NTRK3: variants seen among roughly 807,000 people sequenced by gnomAD.
The protein encoded by NTRK3 is neurotrophic receptor tyrosine kinase 3, also known as NT-3 growth factor receptor.
In NTRK3, 24 loss-of-function variants were observed where a neutral mutation model predicts 91.7. That is an observed-to-expected ratio of 0.26 (90% CI 0.19 to 0.37). NTRK3 has a LOEUF of 0.37. Ranked by LOEUF, NTRK3 falls within the 10% of genes least tolerant of loss-of-function variation. NTRK3 has a pLI of 1.00. For synonymous variants in NTRK3, 483 were observed against 404.0 expected, an observed-to-expected ratio of 1.20 and a Z score of -2.34; for missense variants, 880 against 1,068.9, an observed-to-expected ratio of 0.82 and a Z score of 2.46.
rs2052111816 is a variant in NTRK3, at chr15:88,116,644, T to C, written c.1396+9627A>G. Among the ~76,000 whole-genome samples, 3 of 152,166 alleles carry C rather than the reference T, an allele frequency of 2.0e-5. No homozygotes were observed. The South Asian group carries it at 6.2e-4, about 32-fold the overall frequency. On this transcript the variant is annotated intron_variant, in intron 13 of 18. Transcript: ENST00000394480. ...TTAAAGCATGGTCCACAGAGCAGCA[T>C]TGTCTGGGACCTTGTAACAAATGTT...
At chr15:87,939,390 C>T (rs1297227806) in intron 15 of NTRK3, among the ~76,000 whole-genome samples, 1 of 152,108 alleles carries the variant, frequency 6.6e-6, no homozygotes, top group Non-Finnish European at 1.5e-5. Context: ...AATTGAGGCC[C>T]AAAGAAGTTG....
At chr15:87,862,304 T>G (rs1397600495) in exon 19 of NTRK3, 2 of 224,498 alleles carry the variant, frequency 8.9e-6, no homozygotes, top group Non-Finnish European at 1.8e-5. Flanking sequence ...CTCTGAGATC[T>G]GGCTCTGTCC....
At chr15:88,232,065 C>T (rs570323747) in intron 3 of NTRK3, among the ~76,000 whole-genome samples, 2 of 152,262 alleles carry the variant, frequency 1.3e-5, no homozygotes, top group South Asian at 2.1e-4. Flanking sequence ...CATCTGTGGC[C>T]GCTCATGGCC....
rs1427182999 is a variant in NTRK3 at position 88,243,005 on chromosome 15, CT to C, written c.248+12900del. ...AGAAGTCCCCATAGGCCATAGGGCC[CT>C]CCCACGGAGGAGGAGGAGCTGCAGC... On this transcript the variant is annotated intron_variant, in intron 3 of 18. Coordinates refer to ENST00000394480, the Ensembl canonical transcript of NTRK3. This position sits in a 1 kb window ranked among gnomAD's most constrained non-coding sequence, Gnocchi z 4.8. 2.0e-5 allele frequency among the ~76,000 whole-genome samples: 3 copies of C among 152,210 alleles called. No individual in the cohort carries two copies. Among genetic ancestry groups the C allele is most frequent in the African/African-American group, 7.2e-5 (3 of 41,450 alleles).
chr15:88,028,633 T>C (rs1272470852), intron 14 of NTRK3, among the ~76,000 whole-genome samples: 2 of 151,874 alleles, frequency 1.3e-5, no homozygotes, highest in Non-Finnish European at 1.5e-5. Flanking sequence ...CTGGGAAGGC[T>C]GGGAGGGGAT....
chr15:88,069,691 A>C (rs987482111), intron 13 of NTRK3, among the ~76,000 whole-genome samples: 6 of 152,210 alleles, frequency 3.9e-5, no homozygotes, highest in African/African-American at 7.2e-5. Flanking sequence ...ATTGGCACAG[A>C]ACACGTAGGA....
At position 87,876,999 on chromosome 15, in the gene NTRK3, T is replaced by C. The variant is rs370821577; in HGVS notation, c.2414A>G (p.Glu805Gly). ...CAAAGCATGGAGGATTTTGTAGATC[T>C]CCTTGATGTTCAACCGCTGCTGTGG... is the stretch of plus-strand genomic sequence containing the variant. Residue 805 changes from glutamate to glycine, a missense_variant, in exon 19 of 19, where the codon GAG (glutamate) becomes GGG (glycine). Physicochemically the swap from Glu to Gly is moderately conservative, Grantham distance 98. Coordinates refer to ENST00000394480, the Ensembl canonical transcript of NTRK3. 3.7e-6 allele frequency: 6 copies of C among 1,613,838 alleles called. No individual in the cohort carries two copies. In the African/African-American group the frequency reaches 8.0e-5, roughly 22 times the overall value.
intron 14 of NTRK3, among the ~76,000 whole-genome samples, chr15:88,007,128 G>A (rs967860770): frequency 1.3e-5 from 2 of 152,204 alleles, no homozygotes; most frequent in African/African-American, 4.8e-5. Context: ...GAACCAAGGG[G>A]TTGATGTGCT....
intron 5 of NTRK3, among the ~76,000 whole-genome samples, chr15:88,176,642 CCTT>C (rs2046023761): frequency 1.3e-5 from 2 of 152,170 alleles, no homozygotes; most frequent in Admixed American, 6.5e-5. Context: ...CTCAAGATAT[CCTT>C]CTTGTCATCC....
intron 11 of NTRK3, among the ~76,000 whole-genome samples, chr15:88,128,372 C>A (rs2053503682): frequency 6.6e-6 from 1 of 152,138 alleles, no homozygotes. Flanking sequence ...TCTGCAAGAA[C>A]AACTAAGATG....
At chr15:87,889,396 CTTTTTTTTTTTTT>C (rs568030482) in intron 17 of NTRK3, among the ~76,000 whole-genome samples, 19 of 95,630 alleles carry the variant, frequency 2.0e-4, no homozygotes, top group Non-Finnish European at 1.9e-4. Context: ...TTATTAGTTC[CTTTTTTTTTTTTT>C]TTTTTTTTTT....
chr15:88,193,922 C>G (rs1035737609), intron 3 of NTRK3, among the ~76,000 whole-genome samples: 1 of 152,220 alleles, frequency 6.6e-6, no homozygotes, highest in Admixed American at 6.5e-5. Context: ...AAAGAATCGT[C>G]TACACCTGCA....
intron 13 of NTRK3, among the ~76,000 whole-genome samples, chr15:88,112,539 G>A (rs1202845499): frequency 7.0e-6 from 1 of 143,762 alleles, no homozygotes; most frequent in African/African-American, 2.7e-5. Flanking sequence ...GCCACTGCCA[G>A]TCTCTCTTGG....
At chr15:88,155,487 G>A (rs1027022591) in intron 5 of NTRK3, among the ~76,000 whole-genome samples, 6 of 152,208 alleles carry the variant, frequency 3.9e-5, no homozygotes, top group African/African-American at 1.4e-4. Context: ...ATAAATTTGT[G>A]TTGTATTACG....
chr15:88,204,989 T>A (rs2048619255), intron 3 of NTRK3, among the ~76,000 whole-genome samples: 1 of 152,184 alleles, frequency 6.6e-6, no homozygotes. Context: ...GTTTCTGAGA[T>A]TCTTGTTACA....
chr15:87,953,153 C>G (rs2071316469), intron 14 of NTRK3, among the ~76,000 whole-genome samples: 1 of 152,128 alleles, frequency 6.6e-6, no homozygotes, highest in African/African-American at 2.4e-5. Context: ...TGGCCTGTCT[C>G]CTGAACCTCT....
intron 17 of NTRK3, among the ~76,000 whole-genome samples, chr15:87,905,775 G>T (rs548565678): frequency 6.6e-6 from 1 of 152,034 alleles, no homozygotes; most frequent in Non-Finnish European, 1.5e-5. Flanking sequence ...TCCTTCCAAC[G>T]TGCGTGAGCC....
At chr15:88,151,816 A>G (rs1439399545) in intron 5 of NTRK3, among the ~76,000 whole-genome samples, 2 of 152,030 alleles carry the variant, frequency 1.3e-5, no homozygotes, top group Non-Finnish European at 2.9e-5. Context: ...ATGTCTTAGG[A>G]TTTGCATGTG....
intron 11 of NTRK3, 24 bp downstream of exon 11, chr15:88,128,687 A>G: frequency 2.5e-6 from 4 of 1,613,328 alleles, no homozygotes; most frequent in Non-Finnish European, 3.4e-6. Context: ...ATCAGTTTCA[A>G]AGCAACAGGT....
Sources: allele counts gnomAD v4.1 joint callset (sites outside exome capture counted in the v4.1 genomes callset), GRCh38; gene constraint gnomAD v4.1.1; non-coding constraint Gnocchi (gnomAD v3.1); transcripts MANE v1.5; gene names NCBI Gene and HGNC (gene_info 2026-07-23, HGNC 2026-07-21).